LINGO2: variants seen among roughly 807,000 people sequenced by gnomAD.
LINGO2 encodes leucine rich repeat and Ig domain containing 2.
LINGO2 carries 14 observed loss-of-function variants against 30.6 expected under a neutral mutation model. The ratio of observed to expected loss-of-function variants is 0.46; its 90% CI spans 0.30 to 0.72. The LOEUF is 0.72. Among genes scored for constraint, LINGO2 ranks in the 30% least tolerant of loss-of-function variants. The pLI, the probability that LINGO2 is intolerant of heterozygous loss-of-function variation, is 0.07. For synonymous variants in LINGO2, 317 were observed against 288.5 expected (o/e 1.10, Z -1.00); for missense variants, 729 against 751.7 (o/e 0.97, Z 0.35).
chr9:27,989,457 G>C (rs879480736), intron 5 of LINGO2, among the ~76,000 whole-genome samples: 4,812 of 87,674 alleles, frequency 0.055, 134 homozygotes, highest in African/African-American at 0.092. Flanking sequence ...GTGTGTGTGT[G>C]TGTGTGTGTG....
At chr9:28,649,274 A>G (rs1487769970) in intron 1 of LINGO2, among the ~76,000 whole-genome samples, 3 of 152,192 alleles carry the variant, frequency 2.0e-5, no homozygotes, top group Non-Finnish European at 4.4e-5. Flanking sequence ...TTCTAATAGC[A>G]ATAGTAGTAG....
chr9:28,272,887 TCTC>T (rs1344709866), intron 4 of LINGO2, among the ~76,000 whole-genome samples: 1 of 151,988 alleles, frequency 6.6e-6, no homozygotes, highest in African/African-American at 2.4e-5. Flanking sequence ...ACCCCCATCT[TCTC>T]CTCACCCTAT....
At chr9:28,828,514 T>C in the LINGO2 span, among the ~76,000 whole-genome samples, 1 of 150,906 alleles carries the variant, frequency 6.6e-6, no homozygotes, top group Non-Finnish European at 1.5e-5. Flanking sequence ...AATCCTCCTA[T>C]GGATTGTTGC....
the LINGO2 span, among the ~76,000 whole-genome samples, chr9:28,911,980 T>C: frequency 6.6e-6 from 1 of 152,128 alleles, no homozygotes; most frequent in African/African-American, 2.4e-5. Flanking sequence ...GAAGATATAT[T>C]AAATAAATGT....
chr9:28,038,835 A>C (rs1472338809), intron 4 of LINGO2, among the ~76,000 whole-genome samples: 1 of 152,266 alleles, frequency 6.6e-6, no homozygotes, highest in Non-Finnish European at 1.5e-5. Context: ...ATACTGAAGA[A>C]TATTCGCAAA....
chr9:28,687,225 G>C, the LINGO2 span, among the ~76,000 whole-genome samples: 1 of 152,206 alleles, frequency 6.6e-6, no homozygotes, highest in Admixed American at 6.5e-5. Context: ...ACATAGGTAA[G>C]AAATATGAAT....
At chr9:29,185,934 A>C in the LINGO2 span, among the ~76,000 whole-genome samples, 6 of 152,196 alleles carry the variant, frequency 3.9e-5, no homozygotes, top group Non-Finnish European at 7.4e-5. Flanking sequence ...TTAACACCAA[A>C]TGACCAAGTT....
intron 1 of LINGO2, among the ~76,000 whole-genome samples, chr9:28,566,755 A>T (rs1204800700): frequency 2.0e-5 from 3 of 152,186 alleles, no homozygotes. Flanking sequence ...ACTGCTTTTA[A>T]CATAAATGAG....
At chr9:28,072,811 G>A in intron 4 of LINGO2, among the ~76,000 whole-genome samples, 1 of 151,942 alleles carries the variant, frequency 6.6e-6, no homozygotes. Flanking sequence ...ATCTGGGGCT[G>A]GGCCACTTAA....
the LINGO2 span, among the ~76,000 whole-genome samples, chr9:28,912,055 A>G: frequency 6.6e-6 from 1 of 152,156 alleles, no homozygotes; most frequent in African/African-American, 2.4e-5. Context: ...TTCCTTTTCT[A>G]GAGTCTCTCT....
chr9:29,031,994 G>T, the LINGO2 span, among the ~76,000 whole-genome samples: 2 of 152,236 alleles, frequency 1.3e-5, no homozygotes, highest in South Asian at 4.1e-4. Context: ...TCCCTCAAGG[G>T]CTTTCCTAGA....
the LINGO2 span, among the ~76,000 whole-genome samples, chr9:28,934,087 C>T: frequency 6.6e-6 from 1 of 152,150 alleles, no homozygotes; most frequent in Non-Finnish European, 1.5e-5. Flanking sequence ...AATGTAACGA[C>T]TGGGGGAAAA....
the LINGO2 span, among the ~76,000 whole-genome samples, chr9:28,817,925 C>T: frequency 1.3e-5 from 2 of 152,072 alleles, no homozygotes; most frequent in African/African-American, 4.8e-5. Context: ...AGTTATATTT[C>T]TCTTTTAACA....
At chr9:28,939,950 C>A in the LINGO2 span, among the ~76,000 whole-genome samples, 1 of 152,150 alleles carries the variant, frequency 6.6e-6, no homozygotes, top group Non-Finnish European at 1.5e-5. Context: ...CCAGCATTGT[C>A]TGTGGCTGTT....
At chr9:28,031,196 G>A (rs1823652256) in intron 4 of LINGO2, among the ~76,000 whole-genome samples, 1 of 152,000 alleles carries the variant, frequency 6.6e-6, no homozygotes, top group Admixed American at 6.6e-5. Context: ...ACTATATAAA[G>A]GATGTGATTT....
the LINGO2 span, among the ~76,000 whole-genome samples, chr9:29,168,040 G>A: frequency 3.3e-5 from 5 of 152,058 alleles, no homozygotes; most frequent in African/African-American, 1.2e-4. Context: ...TTATTGTTTT[G>A]AAGACATGTT....
the LINGO2 span, among the ~76,000 whole-genome samples, chr9:29,075,280 C>A: frequency 6.6e-6 from 1 of 152,106 alleles, no homozygotes. Flanking sequence ...CTGCAATTGT[C>A]CCCCTTTATG....
chr9:29,009,511 C>T, the LINGO2 span, among the ~76,000 whole-genome samples: 1 of 152,278 alleles, frequency 6.6e-6, no homozygotes, highest in African/African-American at 2.4e-5. Flanking sequence ...CTACAAACCA[C>T]TGCTCAACGA....
intron 4 of LINGO2, among the ~76,000 whole-genome samples, chr9:28,276,538 C>G (rs1823120458): frequency 6.6e-6 from 1 of 152,144 alleles, no homozygotes; most frequent in Non-Finnish European, 1.5e-5. Flanking sequence ...TCAGCATGGA[C>G]TAAAAAATAT....
Sources: allele counts gnomAD v4.1 joint callset (sites outside exome capture counted in the v4.1 genomes callset), GRCh38; gene constraint gnomAD v4.1.1; transcripts MANE v1.5; gene names NCBI Gene and HGNC (gene_info 2026-07-23, HGNC 2026-07-21).